The following CYP2A7 variants were observed in gnomAD, a reference collection of about 807,000 sequenced individuals.
The protein encoded by CYP2A7 is cytochrome P450 family 2 subfamily A member 7, also known as cytochrome P450 2A7.
In CYP2A7, 36 loss-of-function variants were observed where a neutral mutation model predicts 42.0. The ratio of observed to expected loss-of-function variants is 0.86; its 90% CI spans 0.66 to 1.13. The LOEUF (loss-of-function observed/expected upper bound fraction) is 1.13. Ranked by LOEUF, CYP2A7 falls within the 50% of genes most tolerant of loss-of-function variation. The pLI is 0.00. For synonymous variants in CYP2A7, 260 were observed against 249.5 expected (o/e 1.04, Z -0.40); for missense variants, 661 against 634.1 (o/e 1.04, Z -0.46).
At chr19:40,876,888 T>C in intron 7 of CYP2A7, 4 of 707,892 alleles carry the variant, frequency 5.7e-6, no homozygotes, top group Non-Finnish European at 9.2e-6. Context: ...ACGCAGGTTG[T>C]TTGGGGGACC....
At position 40,875,736 on chromosome 19, in the gene CYP2A7, G is replaced by A. The variant is rs747789027; in HGVS notation, c.1442C>T (p.Ala481Val). The change falls in exon 9 of 9, where the codon GCC (alanine) becomes GTC (valine). Residue 481 changes from alanine to valine, a missense_variant. Physicochemically the swap from Ala to Val is moderately conservative, Grantham distance 64 (BLOSUM62 0). Coordinates refer to ENST00000301146, the MANE Select transcript of CYP2A7 (RefSeq NM_000764.3). The part of the protein sequence containing the change: ...IDVSPKHVVF[A>V]TIPRNYTMSF... ...CATGGTGTAGTTTCGTGGGATCGTG[G>A]CAAAGACCACGTGTTTGGGGGACAC... is the stretch of plus-strand genomic sequence containing the variant. The A allele has an allele frequency of 4.4e-6, 7 of 1,609,082 alleles. No homozygotes were observed. The South Asian group carries it at 6.6e-5, about 15-fold the overall frequency.
At chr19:40,876,803 G>A (rs962613395) in intron 7 of CYP2A7, 135 bp from the exon 8 acceptor site, 1 of 1,238,352 alleles carries the variant, frequency 8.1e-7, no homozygotes, top group Non-Finnish European at 1.1e-6. Flanking sequence ...GTCCTGTGAA[G>A]GAGGAGCTTT....
rs376282662 is a variant in CYP2A7 at position 40,880,611 on chromosome 19, C to A, written c.361G>T (p.Gly121Trp). ...FKGYGVAFSN[G>W]ERAKQLLRFA... ...CGCAGGAGCTGCTTGGCGCGCTCCC[C>A]GTTGCTGAACGCCACGCCTGGGGAG... Residue 121 changes from glycine to tryptophan, a missense_variant, in exon 3 of 9, where the codon GGG (glycine) becomes TGG (tryptophan). Physicochemically the swap from Gly to Trp is radical, Grantham distance 184 (BLOSUM62 -2). This residue lies in a region of CYP2A7 where 614 missense variants were observed against 552.4 expected (regional missense o/e 1.11). Coordinates refer to ENST00000301146, the MANE Select transcript of CYP2A7 (RefSeq NM_000764.3). 6.5e-7 allele frequency: 1 copy of A among 1,546,592 alleles called. No homozygotes were observed. Among genetic ancestry groups the A allele is most frequent in the Non-Finnish European group, 8.9e-7 (1 of 1,128,504 alleles).
chr19:40,880,986 A>T (rs11669113), intron 2 of CYP2A7, among the ~76,000 whole-genome samples: 74,755 of 148,570 alleles, frequency 0.5, 19,517 homozygotes, highest in Admixed American at 0.63. Flanking sequence ...AGAAAGAGAG[A>T]GATGGAGGAA....
intron 6 of CYP2A7, 139 bp from the exon 7 acceptor site, chr19:40,877,516 G>C: frequency 7.5e-7 from 1 of 1,325,646 alleles, no homozygotes; most frequent in Non-Finnish European, 1.0e-6. Context: ...AACAGACATC[G>C]GCCATTCGCA....
At chr19:40,879,771 C>T (rs903983330) in intron 4 of CYP2A7, among the ~76,000 whole-genome samples, 1 of 151,152 alleles carries the variant, frequency 6.6e-6, no homozygotes, top group Non-Finnish European at 1.5e-5. Flanking sequence ...TTAAAATATT[C>T]AGAAGAACTG....
rs768654584 is a variant in CYP2A7, at chr19:40,880,590, G to T, written c.382C>A (p.Leu128Met). Residue 128 changes from leucine to methionine, a missense_variant, in exon 3 of 9, where the codon CTG (leucine) becomes ATG (methionine). Physicochemically the swap from Leu to Met is conservative, Grantham distance 15. Coordinates refer to ENST00000301146, the MANE Select transcript of CYP2A7 (RefSeq NM_000764.3). ...CTCAGGGTGGCGATGGCAAAGCGCAGGAGCTGCTTGGCGCGCTCCCCGTTG... is the reference window on the plus strand; with the variant it reads ...CTCAGGGTGGCGATGGCAAAGCGCATGAGCTGCTTGGCGCGCTCCCCGTTG... ...FSNGERAKQL[L>M]RFAIATLRDF... 1 of 1,592,966 alleles carries T rather than the reference G, an allele frequency of 6.3e-7. No individual in the cohort carries two copies. Among genetic ancestry groups the T allele is most frequent in the Non-Finnish European group, 8.6e-7 (1 of 1,165,236 alleles).
intron 6 of CYP2A7, among the ~76,000 whole-genome samples, chr19:40,877,614 G>A (rs1054384802): frequency 4.0e-5 from 6 of 151,572 alleles, no homozygotes; most frequent in Admixed American, 3.9e-4. Flanking sequence ...CGGGGGAAGG[G>A]GCAGCGGGCA....
intron 2 of CYP2A7, 138 bp downstream of exon 2, chr19:40,881,451 G>A (rs1271051255): frequency 6.9e-7 from 1 of 1,447,222 alleles, no homozygotes; most frequent in Non-Finnish European, 9.3e-7. Flanking sequence ...AGGCCACAGT[G>A]AAGGGAGATG....
chr19:40,877,516 G>T, intron 6 of CYP2A7, 139 bp from the exon 7 acceptor site: 9 of 1,325,646 alleles, frequency 6.8e-6, no homozygotes, highest in Non-Finnish European at 8.2e-6. Flanking sequence ...AACAGACATC[G>T]GCCATTCGCA....
rs761872405 is a variant in CYP2A7 at position 40,875,676 on chromosome 19, A to G, written c.*17T>C. ...CCCTGGCCCCGCCCACCAGACCTGC[A>G]CCGGCACAGCCCTCGCTCAGCGGGG... On this transcript the variant is annotated 3_prime_UTR_variant, in exon 9 of 9. Coordinates refer to ENST00000301146, the MANE Select transcript of CYP2A7 (RefSeq NM_000764.3). The G allele has an allele frequency of 8.7e-6, 14 of 1,610,760 alleles. No individual in the cohort carries two copies. The highest frequency in any genetic ancestry group is 3.3e-5 in the South Asian group (3 of 90,864).
chr19:40,878,100 A>C, intron 5 of CYP2A7, 107 bp from the exon 6 acceptor site: 1 of 1,303,138 alleles, frequency 7.7e-7, no homozygotes, highest in Non-Finnish European at 1.0e-6. Context: ...CAAAGGTGGA[A>C]AGAGGGACCC....
intron 8 of CYP2A7, 94 bp downstream of exon 8, chr19:40,876,433 A>G: frequency 6.3e-7 from 1 of 1,597,136 alleles, no homozygotes; most frequent in Non-Finnish European, 8.6e-7. Flanking sequence ...TCCAAGCTGG[A>G]GAAATACCAG....
Position 40,875,670 on chromosome 19 carries a change from A to G in CYP2A7, c.*23T>C, listed in dbSNP as rs146104447. 6 of 1,611,034 alleles carry G rather than the reference A, an allele frequency of 3.7e-6. 1 individual carries two copies. The Admixed American group carries it at 5.0e-5, about 14-fold the overall frequency. ...GCCTTTCCCTGGCCCCGCCCACCAGACCTGCACCGGCACAGCCCTCGCTCA... is the reference window on the plus strand; with the variant it reads ...GCCTTTCCCTGGCCCCGCCCACCAGGCCTGCACCGGCACAGCCCTCGCTCA... On this transcript the variant is annotated 3_prime_UTR_variant, in exon 9 of 9. Transcript: ENST00000301146.
chr19:40,876,187 C>T (rs926736052), intron 8 of CYP2A7, among the ~76,000 whole-genome samples: 6 of 151,816 alleles, frequency 4.0e-5, no homozygotes, highest in African/African-American at 1.4e-4. Flanking sequence ...TGGGGTGATC[C>T]ATGCCAGGTG....
chr19:40,878,688 G>A (rs1967590964), intron 5 of CYP2A7, 72 bp downstream of exon 5: 5 of 1,582,188 alleles, frequency 3.2e-6, no homozygotes, highest in Non-Finnish European at 4.3e-6. Flanking sequence ...TGTGTCGTCT[G>A]CCCGCCCCAC....
chr19:40,882,134 T>A lies in CYP2A7; in HGVS notation c.77A>T (p.Gln26Leu). 6.2e-7 allele frequency: 1 copy of A among 1,613,966 alleles called. No individual in the cohort carries two copies. The highest frequency in any genetic ancestry group is 8.5e-7 in the Non-Finnish European group (1 of 1,179,868). ...TVMVLMSVWQ[Q>L]RKSRGKLPPG... is the part of the protein sequence containing the mutation. ...AGGCAGCTTCCCCCTGCTCTTCCTC[T>A]GCTGCCAGACAGACATCAAGACCAT... Residue 26 changes from glutamine (Q) to leucine (L), a missense_variant, in exon 1 of 9, where the codon CAG becomes CTG. Gln to Leu is a moderately radical substitution (Grantham distance 113). This residue lies in a region of CYP2A7 where 614 missense variants were observed against 552.4 expected (regional missense o/e 1.11). Coordinates refer to ENST00000301146, the MANE Select transcript of CYP2A7 (RefSeq NM_000764.3).
intron 5 of CYP2A7, among the ~76,000 whole-genome samples, chr19:40,878,372 C>T (rs1377746605): frequency 6.6e-6 from 1 of 151,764 alleles, no homozygotes; most frequent in Non-Finnish European, 1.5e-5. Flanking sequence ...TGCAGGCTCA[C>T]TTACTTTTTA....
At chr19:40,881,036 G>C (rs1214156071) in intron 2 of CYP2A7, among the ~76,000 whole-genome samples, 1 of 150,966 alleles carries the variant, frequency 6.6e-6, no homozygotes, top group Non-Finnish European at 1.5e-5. Flanking sequence ...GGGAGATCTG[G>C]GAGGAGGAAA....
Sources: allele counts gnomAD v4.1 joint callset (sites outside exome capture counted in the v4.1 genomes callset), GRCh38; gene constraint gnomAD v4.1.1; regional missense constraint gnomAD v4.1.1; transcripts MANE v1.5; gene names NCBI Gene and HGNC (gene_info 2026-07-23, HGNC 2026-07-21).